NOX4: variants seen among roughly 807,000 people sequenced by gnomAD.
NOX4 encodes the protein kidney oxidase-1.
NOX4 carries 69 observed loss-of-function variants against 87.6 expected under a neutral mutation model. That is an observed-to-expected ratio of 0.79 (90% confidence interval 0.65 to 0.96). The LOEUF (loss-of-function observed/expected upper bound fraction) is 0.96, where lower values mean the gene tolerates loss of function less well. NOX4 is among the 40% of genes least tolerant of loss of function. The probability of loss-of-function intolerance (pLI) is 0.00; values close to 1 mark genes in which losing one functional copy is unlikely to be tolerated. For synonymous variants in NOX4, 275 were observed against 238.2 expected (o/e 1.15, Z -1.42); for missense variants, 680 against 681.5 (o/e 1.00, Z 0.02).
chr11:89,572,693 G>A, the NOX4 span, among the ~76,000 whole-genome samples: 2 of 152,082 alleles, frequency 1.3e-5, no homozygotes, highest in Non-Finnish European at 2.9e-5. Flanking sequence ...GGGACTACAG[G>A]AGCATCTTTT....
At chr11:89,405,834 A>G (rs1942146810) in intron 8 of NOX4, among the ~76,000 whole-genome samples, 1 of 151,744 alleles carries the variant, frequency 6.6e-6, no homozygotes, top group Admixed American at 6.6e-5. Context: ...CAATAATGTC[A>G]GTCTGCAGAG....
chr11:89,327,147 G>T (rs1945253631), intron 17 of NOX4, among the ~76,000 whole-genome samples: 1 of 152,148 alleles, frequency 6.6e-6, no homozygotes, highest in African/African-American at 2.4e-5. Context: ...AGATTTATCA[G>T]TTTGCCTTAG....
chr11:89,502,329 G>C (rs1947031743), upstream of NOX4, among the ~76,000 whole-genome samples: 1 of 152,072 alleles, frequency 6.6e-6, no homozygotes, highest in South Asian at 2.1e-4. Flanking sequence ...GTGTGGGCAT[G>C]AGACTACATT....
In NOX4 at chr11:89,362,276, G is replaced by A. The variant is rs34348023; in HGVS notation, c.1136-7233C>T. On this transcript the variant is annotated intron_variant, in intron 12 of 17. Transcript: ENST00000263317. ...TACTGAGAACTTCTACCAAGTTCTC[G>A]GCTACTGTGGGGTGTGATGCATGTG... 5.8e-3 allele frequency among the ~76,000 whole-genome samples: 886 copies of A among 151,960 alleles called. 6 individuals are homozygous for A. The highest frequency in any genetic ancestry group is 0.024 in the Middle Eastern group (7 of 294).
At chr11:89,362,179 C>G (rs1309956441) in intron 12 of NOX4, among the ~76,000 whole-genome samples, 4 of 150,586 alleles carry the variant, frequency 2.7e-5, no homozygotes, top group Admixed American at 2.0e-4. Context: ...CACAGACACA[C>G]ACACACACAC....
chr11:89,375,636 GC>G (rs768761248), intron 11 of NOX4, among the ~76,000 whole-genome samples: 3 of 152,112 alleles, frequency 2.0e-5, no homozygotes, highest in African/African-American at 7.2e-5. Context: ...AACTCTGAAA[GC>G]AAACAGTTTT....
chr11:89,441,525 G>C (rs180716082), intron 5 of NOX4, among the ~76,000 whole-genome samples: 1 of 152,140 alleles, frequency 6.6e-6, no homozygotes, highest in Non-Finnish European at 1.5e-5. Flanking sequence ...GGGGGTCTTT[G>C]AATAAGGACC....
At chr11:89,337,005 A>G (rs965145163) in intron 16 of NOX4, among the ~76,000 whole-genome samples, 3 of 152,086 alleles carry the variant, frequency 2.0e-5, no homozygotes, top group African/African-American at 7.2e-5. Context: ...AATTACATAA[A>G]CTAATATATG....
At chr11:89,402,656 C>A (rs1941945038) in intron 8 of NOX4, 114 bp from the exon 9 acceptor site, 2 of 787,492 alleles carry the variant, frequency 2.5e-6, no homozygotes, top group Admixed American at 2.6e-5. Flanking sequence ...CTTTACACAG[C>A]ATTTATCCAA....
chr11:89,346,709 T>C (rs542324694), intron 13 of NOX4, among the ~76,000 whole-genome samples: 6 of 152,184 alleles, frequency 3.9e-5, no homozygotes, highest in Non-Finnish European at 7.3e-5. Flanking sequence ...AATTCTTATC[T>C]GAGTCGGGAA....
intron 2 of NOX4, among the ~76,000 whole-genome samples, chr11:89,478,405 G>C (rs2135463213): frequency 6.6e-6 from 1 of 152,238 alleles, no homozygotes; most frequent in East Asian, 1.9e-4. Context: ...AAGAGGTGAA[G>C]TTGAGATTTC....
intron 12 of NOX4, among the ~76,000 whole-genome samples, chr11:89,355,276 T>C (rs1258423859): frequency 6.7e-6 from 1 of 148,894 alleles, no homozygotes; most frequent in Non-Finnish European, 1.5e-5. Flanking sequence ...TAAATATATA[T>C]GTAGCCATTA....
intron 12 of NOX4, among the ~76,000 whole-genome samples, chr11:89,367,112 C>A (rs1939065665): frequency 6.6e-6 from 1 of 152,118 alleles, no homozygotes; most frequent in South Asian, 2.1e-4. Context: ...TGTTAAGTTT[C>A]ATCATTATCC....
intron 13 of NOX4, among the ~76,000 whole-genome samples, chr11:89,353,127 ACTC>A (rs1227724909): frequency 6.6e-6 from 1 of 152,170 alleles, no homozygotes; most frequent in East Asian, 1.9e-4. Context: ...GATAAAATCT[ACTC>A]CTGGTAAAGA....
intron 2 of NOX4, among the ~76,000 whole-genome samples, chr11:89,473,245 T>C (rs1227178541): frequency 1.3e-5 from 2 of 152,132 alleles, no homozygotes; most frequent in African/African-American, 2.4e-5. Context: ...GAGAGCATGG[T>C]TGACTAGATA....
Position 89,451,847 on chromosome 11 carries a change from A to C in NOX4, c.202T>G (p.Cys68Gly), listed in dbSNP as rs1440293066. ...RASASVLNLN[C>G]SLILLPMCRT... ...CACATGGGTAAAAGGATAAGGCTGC[A>C]GTTGAGGTTAAGAACAGATGCTGAG... The change falls in exon 3 of 18, where the codon TGC (cysteine) becomes GGC (glycine). Residue 68 changes from cysteine to glycine, a missense_variant. Transcript: ENST00000263317. 1.2e-6 allele frequency: 2 copies of C among 1,613,348 alleles called. No homozygotes were observed. The highest frequency in any genetic ancestry group is 1.7e-6 in the Non-Finnish European group (2 of 1,179,534).
chr11:89,438,895 T>TA (rs1555031825), intron 6 of NOX4, among the ~76,000 whole-genome samples: 3 of 25,958 alleles, frequency 1.2e-4, no homozygotes, highest in Non-Finnish European at 1.9e-4. Flanking sequence ...ATATTATATA[T>TA]TATATATATA....
chr11:89,402,966 G>A (rs139453469), intron 8 of NOX4, among the ~76,000 whole-genome samples: 3 of 152,080 alleles, frequency 2.0e-5, no homozygotes, highest in Non-Finnish European at 2.9e-5. Context: ...TATTTAACTT[G>A]GCCAAGCCTG....
At chr11:89,580,095 G>A in the NOX4 span, among the ~76,000 whole-genome samples, 3 of 152,158 alleles carry the variant, frequency 2.0e-5, no homozygotes, top group South Asian at 6.2e-4. Context: ...TTTTGTGTAA[G>A]AGCTTGAGTA....
Sources: allele counts gnomAD v4.1 joint callset (sites outside exome capture counted in the v4.1 genomes callset), GRCh38; gene constraint gnomAD v4.1.1; transcripts MANE v1.5; gene names NCBI Gene and HGNC (gene_info 2026-07-23, HGNC 2026-07-21).